The following CACNA2D3 variants were observed in gnomAD, a reference collection of about 807,000 sequenced individuals.
CACNA2D3 encodes the protein voltage-dependent calcium channel subunit alpha-2/delta-3.
Under a neutral mutation model 160.6 loss-of-function variants are expected in CACNA2D3, and 60 were observed. The observed-to-expected ratio is 0.37, with a 90% confidence interval of 0.30 to 0.46. The LOEUF (loss-of-function observed/expected upper bound fraction) is 0.46, where lower values mean the gene tolerates loss of function less well. Among genes scored for constraint, CACNA2D3 ranks in the 20% least tolerant of loss-of-function variants. The pLI, the probability that CACNA2D3 is intolerant of heterozygous loss-of-function variation, is 1.00. For missense variants in CACNA2D3, 1,205 were observed against 1,365.0 expected (o/e 0.88, Z 1.85); for synonymous variants, 558 against 492.9 (o/e 1.13, Z -1.75).
intron 9 of CACNA2D3, among the ~76,000 whole-genome samples, chr3:54,605,800 T>C (rs1698596913): frequency 6.6e-6 from 1 of 152,210 alleles, no homozygotes; most frequent in Non-Finnish European, 1.5e-5. Flanking sequence ...AGTGAGTTTG[T>C]ACTAAATGCA....
intron 3 of CACNA2D3, among the ~76,000 whole-genome samples, chr3:54,333,851 A>G (rs754173975): frequency 6.6e-6 from 1 of 152,208 alleles, no homozygotes; most frequent in Non-Finnish European, 1.5e-5. Context: ...GGGGAACGTC[A>G]CCTGTTAGTT....
At chr3:54,774,627 CTAT>C (rs1267123456) in intron 13 of CACNA2D3, among the ~76,000 whole-genome samples, 1,152 of 114,208 alleles carry the variant, frequency 0.01, 18 homozygotes, top group African/African-American at 0.035. Flanking sequence ...TGCTCTTTGA[CTAT>C]TTTTTTTTTT....
intron 11 of CACNA2D3, among the ~76,000 whole-genome samples, chr3:54,717,711 ATG>A (rs1701081553): frequency 9.8e-6 from 1 of 101,692 alleles, no homozygotes; most frequent in African/African-American, 4.0e-5. Flanking sequence ...TGGTGTGTGC[ATG>A]TGTGCGTGTG....
At chr3:54,887,393 C>T (rs976294526) in intron 23 of CACNA2D3, among the ~76,000 whole-genome samples, 1 of 151,968 alleles carries the variant, frequency 6.6e-6, no homozygotes. Context: ...TACTACTGCA[C>T]TCCAGTCTGG....
At chr3:54,240,189 A>G (rs1701950242) in intron 2 of CACNA2D3, among the ~76,000 whole-genome samples, 1 of 152,020 alleles carries the variant, frequency 6.6e-6, no homozygotes, top group Admixed American at 6.6e-5. Context: ...AAAAGAATTC[A>G]TTGGTGATGG....
At chr3:54,661,887 T>C (rs1283135444) in intron 11 of CACNA2D3, among the ~76,000 whole-genome samples, 2 of 139,266 alleles carry the variant, frequency 1.4e-5, no homozygotes, top group African/African-American at 5.5e-5. Context: ...TGTGTGTGTG[T>C]GTGTTAAAAA....
intron 14 of CACNA2D3, among the ~76,000 whole-genome samples, chr3:54,822,783 TTTCTTTCCTTTCTTTC>T (rs1297501042): frequency 7.3e-4 from 60 of 82,486 alleles, no homozygotes; most frequent in South Asian, 5.2e-3. Flanking sequence ...TCTTTCTTTC[TTTCTTTCCTTTCTTTC>T]TTTCTTTCTT....
intron 13 of CACNA2D3, among the ~76,000 whole-genome samples, chr3:54,801,113 A>T (rs1339049979): frequency 6.6e-6 from 1 of 151,740 alleles, no homozygotes; most frequent in African/African-American, 2.4e-5. Context: ...CAGCCTCCTG[A>T]GTAGCTGGGA....
intron 4 of CACNA2D3, among the ~76,000 whole-genome samples, chr3:54,469,625 A>G (rs1700692669): frequency 6.6e-6 from 1 of 151,986 alleles, no homozygotes; most frequent in African/African-American, 2.4e-5. Context: ...GTAATGACAA[A>G]CTCCTCTGAG....
At chr3:54,955,367 T>TCCCA (rs1701861494) in intron 27 of CACNA2D3, among the ~76,000 whole-genome samples, 2 of 152,284 alleles carry the variant, frequency 1.3e-5, no homozygotes, top group South Asian at 4.1e-4. Flanking sequence ...TGGTGATGAC[T>TCCCA]CCCACTCTCT....
chr3:54,541,474 C>T (rs1451197106), intron 5 of CACNA2D3, among the ~76,000 whole-genome samples: 1 of 152,054 alleles, frequency 6.6e-6, no homozygotes, highest in African/African-American at 2.4e-5. Flanking sequence ...GCTTGACAGC[C>T]TCCAAAAGGA....
intron 11 of CACNA2D3, among the ~76,000 whole-genome samples, chr3:54,697,504 C>T (rs1341310629): frequency 1.3e-5 from 2 of 152,114 alleles, no homozygotes; most frequent in East Asian, 1.9e-4. Context: ...GCAGAAATCC[C>T]TATCTGACCA....
At chr3:54,802,252 G>A (rs1159735255) in intron 13 of CACNA2D3, among the ~76,000 whole-genome samples, 1 of 152,106 alleles carries the variant, frequency 6.6e-6, no homozygotes, top group Non-Finnish European at 1.5e-5. Flanking sequence ...AAGGAAGGTG[G>A]AGTGAAGGAA....
intron 27 of CACNA2D3, chr3:54,918,723 A>C: frequency 6.2e-7 from 1 of 1,614,078 alleles, no homozygotes; most frequent in Non-Finnish European, 8.5e-7. Flanking sequence ...TGTGGTTCTC[A>C]GGAGGCCTCA....
At chr3:54,133,396 G>A (rs1157747517) in intron 2 of CACNA2D3, among the ~76,000 whole-genome samples, 2 of 152,164 alleles carry the variant, frequency 1.3e-5, no homozygotes, top group African/African-American at 2.4e-5. Flanking sequence ...GTGAATCCCA[G>A]TTCAGGTGCT....
intron 2 of CACNA2D3, among the ~76,000 whole-genome samples, chr3:54,227,869 A>G (rs1701703047): frequency 6.6e-6 from 1 of 151,718 alleles, no homozygotes; most frequent in South Asian, 2.1e-4. Flanking sequence ...TCTTTTGGTC[A>G]CCTCCCTGCT....
intron 2 of CACNA2D3, among the ~76,000 whole-genome samples, chr3:54,243,722 G>C (rs755703393): frequency 2.0e-5 from 3 of 152,136 alleles, no homozygotes; most frequent in Non-Finnish European, 4.4e-5. Context: ...CTGGCTCCAG[G>C]CTCCAGACTT....
At chr3:54,362,682 T>C (rs1316144420) in intron 3 of CACNA2D3, among the ~76,000 whole-genome samples, 1 of 152,208 alleles carries the variant, frequency 6.6e-6, no homozygotes, top group Non-Finnish European at 1.5e-5. Context: ...GGGATTTGAT[T>C]ACTACCAGCC....
At chr3:54,827,724 A>AG (rs914496299) in intron 14 of CACNA2D3, among the ~76,000 whole-genome samples, 1 of 152,212 alleles carries the variant, frequency 6.6e-6, no homozygotes, top group African/African-American at 2.4e-5. Flanking sequence ...CTAGCCCCAG[A>AG]GTCTTGCCTG....
Sources: allele counts gnomAD v4.1 joint callset (sites outside exome capture counted in the v4.1 genomes callset), GRCh38; gene constraint gnomAD v4.1.1; transcripts MANE v1.5; gene names NCBI Gene and HGNC (gene_info 2026-07-23, HGNC 2026-07-21).